TBC1D22A: variants seen among roughly 807,000 people sequenced by gnomAD.
TBC1D22A encodes putative GTPase activator.
In TBC1D22A, 38 loss-of-function variants were observed where a neutral mutation model predicts 60.2. The observed-to-expected ratio is 0.63, with a 90% CI of 0.49 to 0.83. TBC1D22A has a LOEUF of 0.83. TBC1D22A is among the 40% of genes least tolerant of loss of function. The pLI, the probability that TBC1D22A is intolerant of heterozygous loss-of-function variation, is 0.00. For synonymous variants in TBC1D22A, 302 were observed against 281.7 expected, an observed-to-expected ratio of 1.07 and a Z score of -0.72; for missense variants, 628 against 701.0, an observed-to-expected ratio of 0.90 and a Z score of 1.18.
chr22:46,993,659 C>T (rs1480187428), intron 9 of TBC1D22A, among the ~76,000 whole-genome samples: 4 of 152,166 alleles, frequency 2.6e-5, no homozygotes, highest in Admixed American at 1.3e-4. Context: ...TGTGATCTAC[C>T]CAGGGGCCTT....
rs902380185 is a variant in TBC1D22A, at chr22:46,822,954, C to G, written c.637+25334C>G. ...TGGGGAGCTCCCCAAGCCAGAGACC[C>G]CATCATTCCTGGGTTGAAAACCACT... is the stretch of plus-strand genomic sequence containing the variant. On this transcript the variant is annotated intron_variant, in intron 4 of 12. Transcript: ENST00000337137. 3.3e-5 allele frequency among the ~76,000 whole-genome samples: 5 copies of G among 152,174 alleles called. No individual in the cohort carries two copies. The South Asian group carries it at 8.3e-4, about 25-fold the overall frequency.
chr22:46,986,360 T>G (rs886095994), intron 9 of TBC1D22A, among the ~76,000 whole-genome samples: 5 of 152,126 alleles, frequency 3.3e-5, no homozygotes, highest in African/African-American at 1.2e-4. Flanking sequence ...TTTTTGGTCC[T>G]TTGCATTTTT....
Position 46,878,861 on chromosome 22 carries a change from G to A in TBC1D22A, c.708+138G>A, listed in dbSNP as rs1335644745. The stretch of plus-strand genomic sequence containing the variant: ...TGCAGTGATAAAGGCCTTTGCTATG[G>A]CTAAGCTGACATTTTCCATTCTTTG... On this transcript the variant is annotated intron_variant, in intron 5 of 12. Transcript: ENST00000337137. 4 of 639,238 alleles carry A rather than the reference G, an allele frequency of 6.3e-6. No homozygotes were observed. The East Asian group carries it at 1.1e-4, about 17-fold the overall frequency. 39.6% of individuals were successfully genotyped at this position (639,238 alleles called of 1,614,324 possible). A position where few individuals can be genotyped will look rare whatever the true frequency, so the allele number is the denominator to read the frequency against.
intron 10 of TBC1D22A, among the ~76,000 whole-genome samples, chr22:47,031,865 C>T (rs1603083308): frequency 6.6e-6 from 1 of 152,190 alleles, no homozygotes; most frequent in African/African-American, 2.4e-5. Context: ...GTCAGCGTCC[C>T]TCAGGGAGGG....
chr22:46,932,308 G>T (rs976450331), intron 8 of TBC1D22A, among the ~76,000 whole-genome samples: 2 of 152,226 alleles, frequency 1.3e-5, no homozygotes, highest in Non-Finnish European at 2.9e-5. Context: ...CCCGGCCCCA[G>T]AACTCATGGT....
chr22:47,095,599 T>G (rs532649808), intron 11 of TBC1D22A, among the ~76,000 whole-genome samples: 3 of 146,998 alleles, frequency 2.0e-5, no homozygotes, highest in Non-Finnish European at 4.5e-5. Context: ...AGAGAACTCA[T>G]GTGGTAAGGC....
chr22:47,059,175 G>A (rs2063489708), intron 11 of TBC1D22A, among the ~76,000 whole-genome samples: 1 of 152,276 alleles, frequency 6.6e-6, no homozygotes, highest in African/African-American at 2.4e-5. Flanking sequence ...AAGTAGCAAA[G>A]CGCTGGGGGA....
intron 4 of TBC1D22A, among the ~76,000 whole-genome samples, chr22:46,801,314 A>T (rs1309656075): frequency 6.6e-6 from 1 of 152,246 alleles, no homozygotes; most frequent in East Asian, 1.9e-4. Context: ...TCTTCACATT[A>T]CATGAAAGAC....
At chr22:46,783,061 T>A (rs2084008234) in intron 1 of TBC1D22A, among the ~76,000 whole-genome samples, 1 of 152,200 alleles carries the variant, frequency 6.6e-6, no homozygotes, top group Non-Finnish European at 1.5e-5. Context: ...CATTTTTAAT[T>A]TCCCGCTAGC....
intron 9 of TBC1D22A, among the ~76,000 whole-genome samples, chr22:46,985,333 G>A (rs780139456): frequency 3.9e-5 from 6 of 152,162 alleles, no homozygotes; most frequent in Non-Finnish European, 8.8e-5. Flanking sequence ...TGCCCCAGAT[G>A]CCGGCTCAAC....
Position 46,990,841 on chromosome 22 carries a change from C to G in TBC1D22A, c.1126-6793C>G, listed in dbSNP as rs142000615. On this transcript the variant is annotated intron_variant, in intron 9 of 12. Coordinates refer to ENST00000337137, the MANE Select transcript of TBC1D22A (RefSeq NM_014346.5). This position sits in a 1 kb window ranked among gnomAD's most constrained non-coding sequence, Gnocchi z 4.6. Reference sequence around the variant, plus strand: ...GCGTTCGTGACGGCTCTGCTCCTCGCCGTGTGCGTCTGGAAGTGACCATGG... The same window carrying G: ...GCGTTCGTGACGGCTCTGCTCCTCGGCGTGTGCGTCTGGAAGTGACCATGG... Among the ~76,000 whole-genome samples, 4 of 152,312 alleles carry G rather than the reference C, an allele frequency of 2.6e-5. No homozygotes were observed. Among genetic ancestry groups the G allele is most frequent in the African/African-American group, 7.2e-5 (3 of 41,556 alleles).
chr22:47,091,513 G>C (rs370767117), intron 11 of TBC1D22A, among the ~76,000 whole-genome samples: 1 of 146,148 alleles, frequency 6.8e-6, no homozygotes, highest in Non-Finnish European at 1.5e-5. Flanking sequence ...GCTGCTTGTT[G>C]ATAGAGACAG....
intron 8 of TBC1D22A, among the ~76,000 whole-genome samples, chr22:46,972,384 G>A (rs1207011205): frequency 6.6e-6 from 1 of 152,218 alleles, no homozygotes; most frequent in Non-Finnish European, 1.5e-5. Context: ...ACCCCTTGGT[G>A]GAGACAGCCC....
At chr22:46,985,996 T>C (rs1687177422) in intron 9 of TBC1D22A, among the ~76,000 whole-genome samples, 1 of 152,246 alleles carries the variant, frequency 6.6e-6, no homozygotes, top group South Asian at 2.1e-4. Flanking sequence ...CCTGCCTACC[T>C]CCACAATGCC....
chr22:46,913,033 T>C (rs886191284), intron 8 of TBC1D22A, among the ~76,000 whole-genome samples: 5 of 152,258 alleles, frequency 3.3e-5, no homozygotes, highest in African/African-American at 7.2e-5. Context: ...GTGAAATAAC[T>C]GGTTGAACAG....
intron 9 of TBC1D22A, among the ~76,000 whole-genome samples, chr22:46,995,728 T>C (rs1490543818): frequency 6.6e-6 from 1 of 152,130 alleles, no homozygotes; most frequent in East Asian, 1.9e-4. Flanking sequence ...ACACCCTTGC[T>C]GTGTGCCCTG....
intron 1 of TBC1D22A, among the ~76,000 whole-genome samples, chr22:46,792,156 C>T (rs558993098): frequency 6.6e-6 from 1 of 152,354 alleles, no homozygotes; most frequent in East Asian, 1.9e-4. Context: ...GTGGGCGTTT[C>T]TTCGAGTTTT....
chr22:46,814,045 G>A (rs9626903), intron 4 of TBC1D22A, among the ~76,000 whole-genome samples: 2,041 of 152,316 alleles, frequency 0.013, 43 homozygotes, highest in African/African-American at 0.046. Context: ...CATAGTCAGC[G>A]CACACCCTGG....
At chr22:47,080,072 C>T (rs1024797359) in intron 11 of TBC1D22A, among the ~76,000 whole-genome samples, 1 of 152,038 alleles carries the variant, frequency 6.6e-6, no homozygotes, top group Non-Finnish European at 1.5e-5. Context: ...GATCTGTTAA[C>T]CAAAAACGTA....
Sources: gnomAD v4.1 joint callset for allele counts (sites outside exome capture counted in the v4.1 genomes callset) on GRCh38, gnomAD v4.1.1 for gene constraint, Gnocchi (gnomAD v3.1) non-coding constraint, MANE v1.5 for transcripts, NCBI Gene and HGNC (gene_info 2026-07-23, HGNC 2026-07-21) for gene names.